The following LINGO3 variants were observed in gnomAD, a reference collection of about 807,000 sequenced individuals.
LINGO3 encodes leucine rich repeat and Ig domain containing 3.
For missense variants in LINGO3, 750 were observed against 867.7 expected (o/e 0.86, Z 1.70); for synonymous variants, 427 against 444.2 (o/e 0.96, Z 0.49).
In LINGO3 at chr19:2,290,732, C is replaced by T. The variant is rs1338841148; in HGVS notation, c.1045G>A (p.Val349Met). ...TCGCAGGCCAGCGGGTTCCCGTCCA[C>T]GCGCAGCGTCTCTAGCGTGTTCACC... The change falls in exon 1 of 1, where the codon GTG (valine) becomes ATG (methionine). Residue 349 changes from valine (V) to methionine (M), a missense_variant. By Grantham distance (21) the Val-to-Met change is conservative. Transcript: ENST00000585527. This position sits in a 1 kb window ranked among gnomAD's most constrained non-coding sequence, Gnocchi z 6.0. The T allele has an allele frequency of 1.2e-6, 2 of 1,612,556 alleles. No individual in the cohort carries two copies. Among genetic ancestry groups the T allele is most frequent in the Middle Eastern group, 1.7e-4 (1 of 6,060 alleles).
upstream of LINGO3, among the ~76,000 whole-genome samples, chr19:2,293,878 C>A (rs890489412): frequency 2.0e-5 from 3 of 151,726 alleles, no homozygotes. Flanking sequence ...CATGGGGAAC[C>A]CCCGTCTCAA....
the LINGO3 span, among the ~76,000 whole-genome samples, chr19:2,302,635 GCTCGGTGAGCTCTGCTGCCCGGT>G: frequency 6.6e-6 from 1 of 152,158 alleles, no homozygotes; most frequent in Non-Finnish European, 1.5e-5. Context: ...CTGGTGGCGG[GCTCGGTGAGCTCTGCTGCCCGGT>G]CTCGGGAGTC....
upstream of LINGO3, among the ~76,000 whole-genome samples, chr19:2,294,004 C>T (rs77678297): frequency 2.2e-3 from 337 of 151,970 alleles, 11 homozygotes; most frequent in East Asian, 0.059. This position sits in a 1 kb window ranked among gnomAD's most constrained non-coding sequence, Gnocchi z 4.3. Context: ...GAGCTGTGAT[C>T]GTGCCACTGC....
the LINGO3 span, among the ~76,000 whole-genome samples, chr19:2,307,610 G>A: frequency 6.6e-6 from 1 of 152,198 alleles, no homozygotes; most frequent in Non-Finnish European, 1.5e-5. Flanking sequence ...GCAGGCTCCG[G>A]TGTGGACCCC....
exon 1 of LINGO3, chr19:2,291,171 G>A (rs1482918423): frequency 1.9e-6 from 3 of 1,607,666 alleles, no homozygotes; most frequent in Non-Finnish European, 2.5e-6. Context: ...GCAGCCGCAG[G>A]GCGCCCAGGC....
rs770706513 is a variant in LINGO3 at position 2,290,143 on chromosome 19, C to T, written c.1634G>A (p.Cys545Tyr). ...GCTCCACACGAACAGCAGCACGAAG[C>T]AGAAGAGGACCACGCCCAGGAAGGT... Residue 545 changes from cysteine (C) to tyrosine (Y), a missense_variant, in exon 1 of 1, where the codon TGC becomes TAC. Transcript: ENST00000585527. The surrounding 1 kb of genome is among the most constrained non-coding windows in gnomAD (Gnocchi z 6.0). 1 of 1,612,496 alleles carries T rather than the reference C, an allele frequency of 6.2e-7. No individual in the cohort carries two copies. The highest frequency in any genetic ancestry group is 1.1e-5 in the South Asian group (1 of 91,040).
the LINGO3 span, among the ~76,000 whole-genome samples, chr19:2,299,530 TCTC>T: frequency 6.6e-6 from 1 of 150,942 alleles, no homozygotes; most frequent in Non-Finnish European, 1.5e-5. Flanking sequence ...TTCAAGCAAT[TCTC>T]CTGCCTCAGC....
chr19:2,298,536 ATTTTTTTTTTTTT>A, the LINGO3 span, among the ~76,000 whole-genome samples: 1 of 114,134 alleles, frequency 8.8e-6, no homozygotes, highest in Non-Finnish European at 1.8e-5. Flanking sequence ...TGGGCCAATA[ATTTTTTTTTTTTT>A]TTTTTTTTTG....
At chr19:2,289,223 G>A (rs1422588860), downstream of LINGO3, among the ~76,000 whole-genome samples, 1 of 149,390 alleles carries the variant, frequency 6.7e-6, no homozygotes, top group African/African-American at 2.5e-5. Context: ...GTGTTTCCCG[G>A]GTGTAAGCTG....
At chr19:2,292,452 A>G (rs1261285667), upstream of LINGO3, among the ~76,000 whole-genome samples, 1 of 149,662 alleles carries the variant, frequency 6.7e-6, no homozygotes, top group Non-Finnish European at 1.5e-5. Context: ...GTGTGGCTGC[A>G]ATTCCAATCT....
the LINGO3 span, among the ~76,000 whole-genome samples, chr19:2,300,676 A>G: frequency 2.6e-5 from 4 of 152,090 alleles, no homozygotes; most frequent in African/African-American, 9.6e-5. Context: ...CACAGGCCAG[A>G]GTCCTCCCTC....
Position 2,290,628 on chromosome 19 carries a change from G to C in LINGO3, c.1149C>G (p.Ala383=). ...TTCGCAGCGCGTCGCCGCGCACCTC[G>C]GCCGGGGTGGCGCAGGCCGGCAGCC... Residue 383 remains alanine (A), a synonymous_variant, in exon 1 of 1, where the codon GCC becomes GCG. Coordinates refer to ENST00000585527, the Ensembl canonical transcript of LINGO3. The surrounding 1 kb of genome is among the most constrained non-coding windows in gnomAD (Gnocchi z 6.0). The C allele has an allele frequency of 6.3e-7, 1 of 1,596,326 alleles. No homozygotes were observed. Among genetic ancestry groups the C allele is most frequent in the South Asian group, 1.1e-5 (1 of 89,542 alleles).
chr19:2,296,905 G>A (rs985003205), upstream of LINGO3, among the ~76,000 whole-genome samples: 4 of 150,784 alleles, frequency 2.7e-5, no homozygotes, highest in South Asian at 2.1e-4. Context: ...TGGCTAACAT[G>A]GTGAAACCCC....
At chr19:2,303,442 G>T in the LINGO3 span, among the ~76,000 whole-genome samples, 3 of 152,120 alleles carry the variant, frequency 2.0e-5, no homozygotes, top group Admixed American at 2.0e-4. Flanking sequence ...ATGGGGAGCC[G>T]GGGTCAGCAG....
downstream of LINGO3, among the ~76,000 whole-genome samples, chr19:2,288,546 A>G (rs1488510321): frequency 6.6e-6 from 1 of 152,196 alleles, no homozygotes; most frequent in Non-Finnish European, 1.5e-5. This position sits in a 1 kb window ranked among gnomAD's most constrained non-coding sequence, Gnocchi z 6.5. Flanking sequence ...GGGCCGGGGC[A>G]GGGTGGCCAC....
chr19:2,291,001 G>A, exon 1 of LINGO3: 6 of 1,611,518 alleles, frequency 3.7e-6, no homozygotes, highest in Non-Finnish European at 5.1e-6. Context: ...CGGCACGGCG[G>A]TGATGTTGGT....
At position 2,290,434 on chromosome 19, in the gene LINGO3, G is replaced by A. The variant is rs999537559; in HGVS notation, c.1343C>T (p.Pro448Leu). The A allele has an allele frequency of 6.4e-6, 9 of 1,413,892 alleles. No homozygotes were observed. The highest frequency in any genetic ancestry group is 8.2e-6 in the Non-Finnish European group (9 of 1,093,264). 87.6% of individuals were successfully genotyped at this position (1,413,892 alleles called of 1,614,324 possible). The change falls in exon 1 of 1, where the codon CCG becomes CTG. Residue 448 changes from proline to leucine, a missense_variant. Transcript: ENST00000585527. This position sits in a 1 kb window ranked among gnomAD's most constrained non-coding sequence, Gnocchi z 6.0. ...CCGGCCCGCGCTGGTGGCCGTCACC[G>A]GCCGGTGCTGGGGGGTCACCCAGGC...
rs1057221550 is a variant in LINGO3, at chr19:2,291,308, CT to C, written c.468del (p.Val157TrpfsTer23). On this transcript the variant is annotated frameshift_variant, in exon 1 of 1. Transcript: ENST00000585527. LOFTEE classifies it low-confidence loss of function (END_TRUNC). ...ACGAATACCAGGTCGTTGTCGCCCA[CT>C]TCCAGCCGGCGCAGGCTGTGCAGGT... The C allele has an allele frequency of 1.2e-6, 2 of 1,612,838 alleles. No homozygotes were observed. The highest frequency in any genetic ancestry group is 3.3e-5 in the Admixed American group (2 of 59,930).
chr19:2,305,272 C>G, the LINGO3 span, among the ~76,000 whole-genome samples: 67 of 152,186 alleles, frequency 4.4e-4, no homozygotes, highest in Non-Finnish European at 8.8e-4. Flanking sequence ...CCTTGAGGAC[C>G]CCCTCCCCAA....
Sources: gnomAD v4.1 joint callset for allele counts (sites outside exome capture counted in the v4.1 genomes callset) on GRCh38, gnomAD v4.1.1 for gene constraint, Gnocchi (gnomAD v3.1) non-coding constraint, MANE v1.5 for transcripts, NCBI Gene and HGNC (gene_info 2026-07-23, HGNC 2026-07-21) for gene names.